The following ADCY2 variants were observed in gnomAD, a reference collection of about 807,000 sequenced individuals.
The protein encoded by ADCY2 is adenylate cyclase type 2.
Under a neutral mutation model 125.2 loss-of-function variants are expected in ADCY2, and 31 were observed. The observed-to-expected ratio is 0.25, with a 90% CI of 0.19 to 0.33. The LOEUF (loss-of-function observed/expected upper bound fraction) is 0.33, where lower values mean the gene tolerates loss of function less well. Among genes scored for constraint, ADCY2 ranks in the 10% least tolerant of loss-of-function variants. ADCY2 has a pLI of 1.00. For synonymous variants in ADCY2, 512 were observed against 548.4 expected, an observed-to-expected ratio of 0.93 and a Z score of 0.93; for missense variants, 904 against 1,418.2, an observed-to-expected ratio of 0.64 and a Z score of 5.82.
intron 2 of ADCY2, among the ~76,000 whole-genome samples, chr5:7,460,799 C>A (rs978492159): frequency 6.6e-5 from 10 of 152,020 alleles, no homozygotes; most frequent in African/African-American, 2.4e-4. Context: ...AGACGAAGGG[C>A]AGGGAGGAGA....
intron 3 of ADCY2, among the ~76,000 whole-genome samples, chr5:7,574,290 T>G (rs1253922639): frequency 6.6e-6 from 1 of 151,114 alleles, no homozygotes; most frequent in Non-Finnish European, 1.5e-5. Flanking sequence ...ATGGGATGGC[T>G]GGGTCAAATG....
At chr5:7,621,501 G>C (rs1254929511) in intron 3 of ADCY2, among the ~76,000 whole-genome samples, 1 of 152,224 alleles carries the variant, frequency 6.6e-6, no homozygotes, top group African/African-American at 2.4e-5. Flanking sequence ...GGGCTGTGTA[G>C]AATATACAGG....
At chr5:7,431,874 T>C in intron 2 of ADCY2, among the ~76,000 whole-genome samples, 1 of 150,810 alleles carries the variant, frequency 6.6e-6, no homozygotes, top group East Asian at 2.0e-4. Flanking sequence ...CAGAAGAGGG[T>C]GGATCCCTGG....
intron 3 of ADCY2, among the ~76,000 whole-genome samples, chr5:7,527,659 G>C (rs1734520396): frequency 6.6e-6 from 1 of 152,160 alleles, no homozygotes; most frequent in Admixed American, 6.5e-5. Context: ...AATTTTATAG[G>C]ATGTGTTTAC....
At chr5:7,567,919 C>A (rs562553226) in intron 3 of ADCY2, among the ~76,000 whole-genome samples, 1 of 124,122 alleles carries the variant, frequency 8.1e-6, no homozygotes, top group Non-Finnish European at 1.7e-5. Context: ...AGTGCTCTGT[C>A]GTCCTCTCTT....
At position 7,827,085 on chromosome 5, in the gene ADCY2, G is replaced by A. The variant is rs1206847018; in HGVS notation, c.*214G>A. ...GCACTGTGCTTGCTCCTAAGCAAAAGGGAAAAGGAGCGCGCGTGATAGAAG... is the reference window on the plus strand; with the variant it reads ...GCACTGTGCTTGCTCCTAAGCAAAAAGGAAAAGGAGCGCGCGTGATAGAAG... On this transcript the variant is annotated 3_prime_UTR_variant, in exon 25 of 25. Coordinates refer to ENST00000338316, the MANE Select transcript of ADCY2 (RefSeq NM_020546.3). The A allele has an allele frequency of 5.6e-6, 3 of 538,870 alleles. No individual in the cohort carries two copies. The highest frequency in any genetic ancestry group is 1.9e-5 in the African/African-American group (1 of 52,304). The allele number at this position is 538,870 out of a possible 1,614,324, so 33.4% of individuals were successfully genotyped here. A position where few individuals can be genotyped will look rare whatever the true frequency, so the allele number is the denominator to read the frequency against.
intron 11 of ADCY2, 122 bp downstream of exon 11, chr5:7,713,021 G>A (rs1741487591): frequency 1.4e-6 from 1 of 691,024 alleles, no homozygotes; most frequent in Admixed American, 3.0e-5. Context: ...CCCCTGAAAA[G>A]CCCTATTAAA....
intron 15 of ADCY2, among the ~76,000 whole-genome samples, chr5:7,753,818 A>G (rs1742903174): frequency 1.3e-5 from 2 of 151,908 alleles, no homozygotes; most frequent in African/African-American, 4.8e-5. Context: ...TGCAACTGTC[A>G]CCTCTCTGTT....
chr5:7,748,519 A>AACACAC (rs35989915), intron 15 of ADCY2, among the ~76,000 whole-genome samples: 4,221 of 89,958 alleles, frequency 0.047, 85 homozygotes, highest in South Asian at 0.065. Context: ...CCCACCCTCC[A>AACACAC]ACACACACAC....
rs1740916075 is a variant in ADCY2, at chr5:7,439,170, T to TCATTTTATAAAGAA, written c.408+24400_408+24401insCATTTTATAAAGAA. Among the ~76,000 whole-genome samples the TCATTTTATAAAGAA allele has an allele frequency of 2.6e-5, 4 of 152,074 alleles. No individual in the cohort carries two copies. In the East Asian group the frequency reaches 7.7e-4, roughly 29 times the overall value. On this transcript the variant is annotated intron_variant, in intron 2 of 24. Transcript: ENST00000338316. Reference sequence around the variant, plus strand: ...AAAATCATTTTATAAAGAAGTAGAGTGTATTAGTCTGTTCTCACACTGCTA... The same window carrying TCATTTTATAAAGAA: ...AAAATCATTTTATAAAGAAGTAGAGTCATTTTATAAAGAAGTATTAGTCTGTTCTCACACTGCTA...
chr5:7,676,710 A>T (rs1055316993), intron 4 of ADCY2, among the ~76,000 whole-genome samples: 1 of 152,226 alleles, frequency 6.6e-6, no homozygotes, highest in African/African-American at 2.4e-5. Context: ...GAGCTGAGTG[A>T]TAATAATTTG....
chr5:7,441,631 T>C (rs1403238991), intron 2 of ADCY2, among the ~76,000 whole-genome samples: 1 of 152,182 alleles, frequency 6.6e-6, no homozygotes, highest in Admixed American at 6.5e-5. Context: ...CCAAAATGCT[T>C]ATATAACCAC....
At chr5:7,745,300 C>T (rs539280902) in intron 15 of ADCY2, among the ~76,000 whole-genome samples, 2 of 152,338 alleles carry the variant, frequency 1.3e-5, no homozygotes, top group East Asian at 3.9e-4. Context: ...CGACTGTAAG[C>T]ACTTTGTCCT....
intron 6 of ADCY2, among the ~76,000 whole-genome samples, chr5:7,696,444 C>T (rs1280601163): frequency 1.3e-5 from 2 of 152,146 alleles, no homozygotes; most frequent in Non-Finnish European, 2.9e-5. Context: ...AGGAAATGAC[C>T]TGAAACCGTC....
chr5:7,416,032 G>C (rs140165906), intron 2 of ADCY2, among the ~76,000 whole-genome samples: 39 of 152,278 alleles, frequency 2.6e-4, no homozygotes, highest in African/African-American at 9.4e-4. Context: ...GCCAGTGAGG[G>C]TACACTGCTG....
At chr5:7,629,615 A>G (rs1738249773) in intron 4 of ADCY2, among the ~76,000 whole-genome samples, 1 of 152,244 alleles carries the variant, frequency 6.6e-6, no homozygotes, top group African/African-American at 2.4e-5. Flanking sequence ...AAGGTAGGGA[A>G]AAGAATGCAT....
rs1459874504 is a variant in ADCY2, at chr5:7,465,813, T to A, written c.408+51043T>A. Among the ~76,000 whole-genome samples the A allele has an allele frequency of 2.6e-5, 4 of 152,206 alleles. No homozygotes were observed. The East Asian group carries it at 7.7e-4, about 29-fold the overall frequency. On this transcript the variant is annotated intron_variant, in intron 2 of 24. Coordinates refer to ENST00000338316, the MANE Select transcript of ADCY2 (RefSeq NM_020546.3). Reference sequence around the variant, plus strand: ...TCCTCCTTTCTCTTAGCTTAGAATATATGTAATGGGGCTGGCTATCTTGGG... The same window carrying A: ...TCCTCCTTTCTCTTAGCTTAGAATAAATGTAATGGGGCTGGCTATCTTGGG...
At chr5:7,819,053 G>A (rs545579657) in intron 23 of ADCY2, among the ~76,000 whole-genome samples, 283 of 152,292 alleles carry the variant, frequency 1.9e-3, no homozygotes, top group South Asian at 5.2e-3. Flanking sequence ...TGATGCTGGA[G>A]GGCAGGAAGC....
chr5:7,763,837 G>A (rs1422927059), intron 16 of ADCY2, among the ~76,000 whole-genome samples: 1 of 152,160 alleles, frequency 6.6e-6, no homozygotes, highest in East Asian at 1.9e-4. Flanking sequence ...GTCATCGCTT[G>A]CCATGACTCT....
Sources: allele counts gnomAD v4.1 joint callset (sites outside exome capture counted in the v4.1 genomes callset), GRCh38; gene constraint gnomAD v4.1.1; transcripts MANE v1.5; gene names NCBI Gene and HGNC (gene_info 2026-07-23, HGNC 2026-07-21).